Variants in ZFYVE9 observed in about 807,000 individuals in gnomAD.
ZFYVE9 encodes zinc finger FYVE-type containing 9, also known as zinc finger FYVE domain-containing protein 9.
ZFYVE9 carries 43 observed loss-of-function variants against 126.7 expected under a neutral mutation model. The ratio of observed to expected loss-of-function variants is 0.34; its 90% CI spans 0.27 to 0.44. The LOEUF (loss-of-function observed/expected upper bound fraction) is 0.44, where lower values mean the gene tolerates loss of function less well. Ranked by LOEUF, ZFYVE9 falls within the 20% of genes least tolerant of loss-of-function variation. The pLI, the probability that ZFYVE9 is intolerant of heterozygous loss-of-function variation, is 1.00. For missense variants in ZFYVE9, 1,476 were observed against 1,697.0 expected (o/e 0.87, Z 2.29); for synonymous variants, 521 against 597.4 (o/e 0.87, Z 1.87).
At chr1:52,340,370 C>G in intron 17 of ZFYVE9, 139 bp downstream of exon 17, 2 of 651,558 alleles carry the variant, frequency 3.1e-6, no homozygotes, top group South Asian at 2.0e-5. Flanking sequence ...TACTACAATT[C>G]CTATCTGAAA....
intron 4 of ZFYVE9, among the ~76,000 whole-genome samples, chr1:52,248,980 G>T (rs539195441): frequency 6.6e-6 from 1 of 152,264 alleles, no homozygotes; most frequent in Non-Finnish European, 1.5e-5. Context: ...GTTGGGGGAG[G>T]GGCCTGGTAG....
intron 3 of ZFYVE9, among the ~76,000 whole-genome samples, chr1:52,233,668 A>C (rs970070317): frequency 1.3e-5 from 2 of 152,242 alleles, no homozygotes; most frequent in Admixed American, 1.3e-4. Context: ...CTCGTTCTAT[A>C]TTGATTGCCC....
chr1:52,239,462 C>T lies in ZFYVE9; in HGVS notation c.2045C>T (p.Ala682Val). 1.2e-6 allele frequency: 2 copies of T among 1,614,138 alleles called. No individual in the cohort carries two copies. Among genetic ancestry groups the T allele is most frequent in the South Asian group, 1.1e-5 (1 of 91,082 alleles). The change falls in exon 4 of 19, where the codon GCC becomes GTC. Residue 682 changes from alanine to valine, a missense_variant. Ala to Val is a moderately conservative substitution (Grantham distance 64). Transcript: ENST00000287727. ...DLRAGQFGIS[A>V]RKPFTTLGEV... Reference sequence around the variant, plus strand: ...AGAGCTGGTCAGTTTGGAATTTCTGCCAGAAAGCCATTCACCACTCTGGGT... The same window carrying T: ...AGAGCTGGTCAGTTTGGAATTTCTGTCAGAAAGCCATTCACCACTCTGGGT...
intron 1 of ZFYVE9, among the ~76,000 whole-genome samples, chr1:52,152,059 G>A (rs1295585764): frequency 2.0e-5 from 3 of 151,880 alleles, no homozygotes; most frequent in African/African-American, 7.3e-5. Flanking sequence ...GCACCATCTT[G>A]GTTAACTGCA....
intron 2 of ZFYVE9, among the ~76,000 whole-genome samples, chr1:52,219,803 G>GTGTGTGTGTGTGTGTGTGT (rs1557463701): frequency 7.3e-6 from 1 of 137,194 alleles, no homozygotes. Flanking sequence ...GTGTGTGTGT[G>GTGTGTGTGTGTGTGTGTGT]GCAGAGTCTT....
intron 14 of ZFYVE9, among the ~76,000 whole-genome samples, chr1:52,334,233 A>G (rs919676314): frequency 6.6e-6 from 1 of 152,204 alleles, no homozygotes; most frequent in African/African-American, 2.4e-5. Flanking sequence ...GCCAAATGAT[A>G]AATATTTTAG....
chr1:52,336,993 C>A (rs1417852330), intron 15 of ZFYVE9, among the ~76,000 whole-genome samples: 1 of 150,238 alleles, frequency 6.7e-6, no homozygotes, highest in Non-Finnish European at 1.5e-5. Flanking sequence ...GACACAGATC[C>A]TTACCAATTC....
intron 11 of ZFYVE9, among the ~76,000 whole-genome samples, chr1:52,295,489 A>G (rs1289467451): frequency 1.3e-5 from 2 of 151,758 alleles, no homozygotes; most frequent in Non-Finnish European, 2.9e-5. Flanking sequence ...TCCCAAGTAG[A>G]TGGGACTACA....
rs79867072 is a variant in ZFYVE9, at chr1:52,167,322, T to C, written c.-143+24919T>C. Among the ~76,000 whole-genome samples the C allele has an allele frequency of 6.1e-3, 924 of 152,216 alleles. 6 individuals are homozygous for C. The highest frequency in any genetic ancestry group is 0.021 in the African/African-American group (881 of 41,520). The stretch of plus-strand genomic sequence containing the variant: ...AATCTTGGTGGATAAATAAGAAAAA[T>C]ACATTTTAAGCTTTGAAACATGATT... On this transcript the variant is annotated intron_variant, in intron 1 of 18. Coordinates refer to ENST00000287727, the MANE Select transcript of ZFYVE9 (RefSeq NM_004799.4).
intron 1 of ZFYVE9, among the ~76,000 whole-genome samples, chr1:52,198,722 T>C (rs1293651066): frequency 6.6e-6 from 1 of 152,186 alleles, no homozygotes; most frequent in Non-Finnish European, 1.5e-5. Context: ...ACACTCTGTC[T>C]TTTTTAGTAG....
chr1:52,212,943 T>G (rs2124589014), intron 1 of ZFYVE9, among the ~76,000 whole-genome samples: 1 of 152,338 alleles, frequency 6.6e-6, no homozygotes, highest in Non-Finnish European at 1.5e-5. Flanking sequence ...AATTCTTTGT[T>G]TTCCTCTCAT....
intron 13 of ZFYVE9, among the ~76,000 whole-genome samples, chr1:52,305,711 C>G (rs527577230): frequency 1.2e-4 from 18 of 152,238 alleles, no homozygotes; most frequent in Admixed American, 6.5e-4. Context: ...GGAGCTCCCC[C>G]CTTGCAGGCA....
intron 4 of ZFYVE9, 51 bp from the exon 5 acceptor site, chr1:52,263,722 A>G (rs1179020822): frequency 9.9e-7 from 1 of 1,012,188 alleles, no homozygotes. Flanking sequence ...CTCTCTTTGC[A>G]TGGCAATCCC....
intron 12 of ZFYVE9, among the ~76,000 whole-genome samples, chr1:52,299,715 A>T (rs938252473): frequency 6.6e-6 from 1 of 152,178 alleles, no homozygotes; most frequent in East Asian, 1.9e-4. Flanking sequence ...CAGCAGCTGG[A>T]TGATGGTGAT....
intron 13 of ZFYVE9, among the ~76,000 whole-genome samples, chr1:52,328,158 G>C (rs574494772): frequency 1.4e-4 from 21 of 152,304 alleles, no homozygotes; most frequent in Middle Eastern, 3.4e-3. Flanking sequence ...AGCTGGAGAA[G>C]ATGTGACATA....
chr1:52,255,613 C>T (rs1645497697), intron 4 of ZFYVE9, among the ~76,000 whole-genome samples: 1 of 150,336 alleles, frequency 6.7e-6, no homozygotes, highest in African/African-American at 2.4e-5. Context: ...TAATTTTAGG[C>T]TGGATGCAGT....
chr1:52,251,595 T>C (rs1645447369), intron 4 of ZFYVE9, among the ~76,000 whole-genome samples: 1 of 147,858 alleles, frequency 6.8e-6, no homozygotes, highest in South Asian at 2.1e-4. Context: ...TTCAATTCAA[T>C]TTGCTATTAT....
intron 1 of ZFYVE9, among the ~76,000 whole-genome samples, chr1:52,183,222 G>T (rs1166837114): frequency 2.0e-5 from 3 of 152,164 alleles, no homozygotes; most frequent in Admixed American, 1.3e-4. Flanking sequence ...AAAGACAGAG[G>T]ACACAGGCAC....
chr1:52,224,667 G>A (rs1445424228), intron 2 of ZFYVE9, among the ~76,000 whole-genome samples: 5 of 152,156 alleles, frequency 3.3e-5, no homozygotes, highest in African/African-American at 7.2e-5. Context: ...TTTATCATAC[G>A]CTGTCTTTTC....
Sources: gnomAD v4.1 joint callset for allele counts (sites outside exome capture counted in the v4.1 genomes callset) on GRCh38, gnomAD v4.1.1 for gene constraint, MANE v1.5 for transcripts, NCBI Gene and HGNC (gene_info 2026-07-23, HGNC 2026-07-21) for gene names.